Variants in POLD3 observed in about 807,000 individuals in gnomAD.
The protein encoded by POLD3 is DNA polymerase delta subunit 3.
Under a neutral mutation model 58.2 loss-of-function variants are expected in POLD3, and 19 were observed. The observed-to-expected ratio is 0.33, with a 90% CI of 0.23 to 0.48. The LOEUF (loss-of-function observed/expected upper bound fraction) is 0.48, where lower values mean the gene tolerates loss of function less well. Ranked by LOEUF, POLD3 falls within the 20% of genes least tolerant of loss-of-function variation. The pLI, the probability that POLD3 is intolerant of heterozygous loss-of-function variation, is 0.99. For synonymous variants in POLD3, 172 were observed against 193.5 expected (o/e 0.89, Z 0.92); for missense variants, 504 against 545.5 (o/e 0.92, Z 0.76).
intron 2 of POLD3, among the ~76,000 whole-genome samples, chr11:74,599,512 T>C (rs923148944): frequency 1.3e-5 from 2 of 151,792 alleles, no homozygotes; most frequent in Non-Finnish European, 2.9e-5. Flanking sequence ...TTACAGCACC[T>C]GCCACCACGC....
chr11:74,628,026 A>G (rs1188435014), intron 8 of POLD3, among the ~76,000 whole-genome samples: 1 of 152,070 alleles, frequency 6.6e-6, no homozygotes, highest in Non-Finnish European at 1.5e-5. Flanking sequence ...TTTTATTGTG[A>G]ATTTGATTTA....
At chr11:74,646,265 G>A (rs1393793594), downstream of POLD3, among the ~76,000 whole-genome samples, 3 of 152,132 alleles carry the variant, frequency 2.0e-5, no homozygotes, top group Non-Finnish European at 4.4e-5. Context: ...GAGCCACCGC[G>A]CCCGGCCTGA....
chr11:74,612,484 T>C (rs1405992838), intron 4 of POLD3, among the ~76,000 whole-genome samples: 2 of 152,210 alleles, frequency 1.3e-5, no homozygotes, highest in African/African-American at 2.4e-5. Context: ...TTGCTTTCTC[T>C]AAACTAAAAT....
chr11:74,660,471 C>T (rs1229236589), intron 4 of POLD3, among the ~76,000 whole-genome samples: 1 of 152,138 alleles, frequency 6.6e-6, no homozygotes, highest in African/African-American at 2.4e-5. Flanking sequence ...TTGTCTAGAT[C>T]TTGTAGGCAT....
chr11:74,667,872 G>A (rs1300573480), intron 4 of POLD3, among the ~76,000 whole-genome samples: 2 of 152,152 alleles, frequency 1.3e-5, no homozygotes, highest in South Asian at 2.1e-4. Flanking sequence ...ACTCAATAGC[G>A]AAAGGACAAC....
chr11:74,618,769 A>C lies in POLD3; in HGVS notation c.625A>C (p.Lys209Gln), dbSNP rs776143559. ...TGCTGCTAAAACCCAAGAAACCAAC[A>C]AGGAAACGAAAACAGAGGCTAAAGA... is the stretch of plus-strand genomic sequence containing the variant. ...KAAAKTQETNKETKTEAKEVT... is the reference protein window; with the variant it reads ...KAAAKTQETNQETKTEAKEVT... The change falls in exon 6 of 12, where the codon AAG (lysine) becomes CAG (glutamine). Residue 209 changes from lysine (K) to glutamine (Q), a missense_variant. Around this residue, in one of 2 missense-constraint regions of POLD3, gnomAD observed 385 missense variants for 370.5 expected, o/e 1.04. Transcript: ENST00000263681. The C allele has an allele frequency of 1.7e-5, 27 of 1,613,700 alleles. No individual in the cohort carries two copies. The highest frequency in any genetic ancestry group is 2.1e-5 in the Non-Finnish European group (25 of 1,179,630).
In POLD3 at chr11:74,627,019, C is replaced by T. The variant is rs79548374; in HGVS notation, c.899+1446C>T. On this transcript the variant is annotated intron_variant, in intron 8 of 11. Transcript: ENST00000263681. ...AATGACTATGCTACTATAATTACTG[C>T]ACTATACTTTTTATCATTTTAGAGG... 5.3e-4 allele frequency among the ~76,000 whole-genome samples: 80 copies of T among 152,198 alleles called. 1 individual carries two copies. In the East Asian group the frequency reaches 0.014, roughly 27 times the overall value.
intron 2 of POLD3, among the ~76,000 whole-genome samples, chr11:74,597,707 T>C (rs1448419931): frequency 6.6e-6 from 1 of 152,218 alleles, no homozygotes; most frequent in African/African-American, 2.4e-5. Flanking sequence ...GCCATCCTCC[T>C]GCCTTGTCCT....
intron 4 of POLD3, among the ~76,000 whole-genome samples, chr11:74,660,994 A>T (rs1341780736): frequency 6.6e-6 from 1 of 151,810 alleles, no homozygotes; most frequent in Non-Finnish European, 1.5e-5. Flanking sequence ...ATTCTGATGC[A>T]TTCTTCAGTA....
chr11:74,610,849 AT>A (rs1348072359), intron 3 of POLD3, among the ~76,000 whole-genome samples: 1 of 151,952 alleles, frequency 6.6e-6, no homozygotes, highest in Non-Finnish European at 1.5e-5. Flanking sequence ...ATCTCAGCTC[AT>A]TGCAACCTCC....
intron 7 of POLD3, 78 bp downstream of exon 7, chr11:74,620,167 CTT>C: frequency 8.9e-7 from 1 of 1,125,388 alleles, no homozygotes; most frequent in Admixed American, 1.7e-5. Context: ...GTGAAAGCCA[CTT>C]TGTCTAGTTT....
chr11:74,635,849 G>C (rs1447663971), intron 10 of POLD3, among the ~76,000 whole-genome samples: 2 of 152,190 alleles, frequency 1.3e-5, no homozygotes, highest in Non-Finnish European at 2.9e-5. Flanking sequence ...GCAGTGGTCT[G>C]CTTTCCTTCT....
intron 5 of POLD3, among the ~76,000 whole-genome samples, chr11:74,616,444 C>T (rs1028009298): frequency 4.6e-5 from 7 of 152,236 alleles, no homozygotes; most frequent in Non-Finnish European, 8.8e-5. Flanking sequence ...AACTCGGTCT[C>T]TTCCTCATTG....
chr11:74,655,660 A>C (rs1354820412), intron 4 of POLD3, among the ~76,000 whole-genome samples: 1 of 74,616 alleles, frequency 1.3e-5, no homozygotes, highest in African/African-American at 7.7e-5. Context: ...TATTTGACCA[A>C]AAAAAAAAAA....
chr11:74,664,878 T>C (rs1293094799), intron 4 of POLD3, among the ~76,000 whole-genome samples: 1 of 152,130 alleles, frequency 6.6e-6, no homozygotes, highest in Non-Finnish European at 1.5e-5. Context: ...GGTGGGCAGA[T>C]CCCTTGAGGT....
Position 74,625,506 on chromosome 11 carries a change from C to G in POLD3, c.832C>G (p.Pro278Ala), listed in dbSNP as rs762988586. 2 of 1,613,880 alleles carry G rather than the reference C, an allele frequency of 1.2e-6. No individual in the cohort carries two copies. The highest frequency in any genetic ancestry group is 1.7e-6 in the Non-Finnish European group (2 of 1,179,856). ...VSVTEPKLATPAGLKKSSKKA... is the reference protein window; with the variant it reads ...VSVTEPKLATAAGLKKSSKKA... ...TGTCACGGAACCAAAGCTGGCAACT[C>G]CTGCAGGCCTGAAAAAATCCAGCAA... is the stretch of plus-strand genomic sequence containing the variant. The change falls in exon 8 of 12, where the codon CCT (proline) becomes GCT (alanine). Residue 278 changes from proline (P) to alanine (A), a missense_variant. Around this residue, in one of 2 missense-constraint regions of POLD3, gnomAD observed 385 missense variants for 370.5 expected, o/e 1.04. Coordinates refer to ENST00000263681, the MANE Select transcript of POLD3 (RefSeq NM_006591.3).
At chr11:74,596,370 G>T (rs12222659) in intron 2 of POLD3, among the ~76,000 whole-genome samples, 16 of 151,432 alleles carry the variant, frequency 1.1e-4, no homozygotes, top group African/African-American at 3.6e-4. Flanking sequence ...ATTTTTAGTA[G>T]AGTTGGGGTT....
intron 1 of POLD3, 80 bp from the exon 2 acceptor site, chr11:74,593,981 C>G: frequency 1.3e-6 from 1 of 761,910 alleles, no homozygotes. Flanking sequence ...GAATAGGAAT[C>G]TTTAGCAACA....
Position 74,592,684 on chromosome 11 carries a change from A to G in POLD3, c.26A>G (p.Asn9Ser). ...ATGGCGGACCAGCTTTATCTGGAAA[A>G]TATAGACGAGTTCGTCACGGACCAA... MADQLYLE[N>S]IDEFVTDQNK... Residue 9 changes from asparagine (N) to serine (S), a missense_variant, in exon 1 of 12, where the codon AAT becomes AGT. Around this residue, in one of 2 missense-constraint regions of POLD3, gnomAD observed 119 missense variants for 175.0 expected, o/e 0.68. Transcript: ENST00000263681. 2 of 1,614,014 alleles carry G rather than the reference A, an allele frequency of 1.2e-6. No homozygotes were observed. The highest frequency in any genetic ancestry group is 1.7e-6 in the Non-Finnish European group (2 of 1,179,962).
Sources: gnomAD v4.1 joint callset for allele counts (sites outside exome capture counted in the v4.1 genomes callset) on GRCh38, gnomAD v4.1.1 for gene constraint, gnomAD v4.1.1 regional missense constraint, MANE v1.5 for transcripts, NCBI Gene and HGNC (gene_info 2026-07-23, HGNC 2026-07-21) for gene names.